The following GCG variants were observed in gnomAD, a reference collection of about 807,000 sequenced individuals.
GCG encodes the protein pro-glucagon.
In GCG, 11 loss-of-function variants were observed where a neutral mutation model predicts 22.8. The observed-to-expected ratio is 0.48, with a 90% confidence interval of 0.30 to 0.80. GCG has a LOEUF of 0.80. GCG is among the 30% of genes least tolerant of loss of function. The pLI is 0.06. For synonymous variants in GCG, 89 were observed against 72.4 expected, an observed-to-expected ratio of 1.23 and a Z score of -1.16; for missense variants, 222 against 222.0, an observed-to-expected ratio of 1.00 and a Z score of 0.00.
At chr2:162,149,814 GA>G (rs930753741) in intron 1 of GCG, among the ~76,000 whole-genome samples, 5 of 151,940 alleles carry the variant, frequency 3.3e-5, no homozygotes, top group African/African-American at 7.3e-5. Flanking sequence ...AAATTAAAGG[GA>G]AAAAATCATT....
chr2:162,148,430 G>A (rs1483224335), intron 2 of GCG, among the ~76,000 whole-genome samples: 1 of 151,922 alleles, frequency 6.6e-6, no homozygotes, highest in South Asian at 2.1e-4. Flanking sequence ...AACAAATATT[G>A]TACATTTATG....
chr2:162,150,059 A>T (rs1350047307), intron 1 of GCG, among the ~76,000 whole-genome samples: 6 of 152,116 alleles, frequency 3.9e-5, no homozygotes, highest in Admixed American at 3.9e-4. Context: ...TCACAAGCAG[A>T]TGCCCTGCGA....
rs193237358 is a variant in GCG at position 162,143,790 on chromosome 2, T to C, written c.536+237A>G. On this transcript the variant is annotated intron_variant, in intron 5 of 5. Coordinates refer to ENST00000418842, the MANE Select transcript of GCG (RefSeq NM_002054.5). ...ATTTCTATCTGTGTTTCTAGCTTCT[T>C]GACTCTAATAGACACTCAGTAAATG... is the stretch of plus-strand genomic sequence containing the variant. 2.2e-3 allele frequency: 1,155 copies of C among 519,156 alleles called. 2 individuals are homozygous for C. Among genetic ancestry groups the C allele is most frequent in the Non-Finnish European group, 3.0e-3 (864 of 291,484 alleles). 32.2% of individuals were successfully genotyped at this position (519,156 alleles called of 1,614,324 possible). A position where few individuals can be genotyped will look rare whatever the true frequency, so the allele number is the denominator to read the frequency against.
intron 1 of GCG, 134 bp from the exon 2 acceptor site, chr2:162,149,321 C>CCTG: frequency 1.8e-6 from 1 of 570,876 alleles, no homozygotes; most frequent in Non-Finnish European, 3.1e-6. Context: ...CACTTTTATT[C>CCTG]TGATTATATT....
At chr2:162,149,955 T>C (rs1055349097) in intron 1 of GCG, among the ~76,000 whole-genome samples, 1 of 152,128 alleles carries the variant, frequency 6.6e-6, no homozygotes. Context: ...GTCCCCAGGT[T>C]GTTTTCTAAT....
chr2:162,147,562 G>A (rs1686721759), intron 2 of GCG, 48 bp from the exon 3 acceptor site: 13 of 1,527,946 alleles, frequency 8.5e-6, no homozygotes, highest in African/African-American at 1.4e-5. Context: ...CTCAAGAGTA[G>A]ACTCACTTGA....
intron 3 of GCG, among the ~76,000 whole-genome samples, chr2:162,146,569 TC>T (rs1686691533): frequency 3.0e-5 from 4 of 134,574 alleles, no homozygotes; most frequent in Admixed American, 1.4e-4. Context: ...TCTCTCTCTC[TC>T]TCTCCTTTCT....
In GCG at chr2:162,147,292, G is replaced by T. The variant is rs990523502; in HGVS notation, c.254+61C>A. Reference sequence around the variant, plus strand: ...GCATAAGAACTTAATAATGTCAAGAGAAATTTTAGACCTATTTAATACATT... The same window carrying T: ...GCATAAGAACTTAATAATGTCAAGATAAATTTTAGACCTATTTAATACATT... On this transcript the variant is annotated intron_variant, in intron 3 of 5. Coordinates refer to ENST00000418842, the MANE Select transcript of GCG (RefSeq NM_002054.5). 4 of 1,247,652 alleles carry T rather than the reference G, an allele frequency of 3.2e-6. No individual in the cohort carries two copies. In the African/African-American group the frequency reaches 6.0e-5, roughly 19 times the overall value. 77.3% of individuals were successfully genotyped at this position (1,247,652 alleles called of 1,614,324 possible). A position where few individuals can be genotyped will look rare whatever the true frequency, so the allele number is the denominator to read the frequency against.
chr2:162,149,256 T>C (rs1308391341), intron 1 of GCG, 69 bp from the exon 2 acceptor site: 2 of 824,216 alleles, frequency 2.4e-6, no homozygotes, highest in Admixed American at 3.9e-5. Context: ...TCAGGCTAAA[T>C]TAATTAGATT....
In GCG at chr2:162,145,651, T is replaced by A; in HGVS notation, c.281A>T (p.Glu94Val). ...NRNNIAKRHD[E>V]FERHAEGTFT... ...GGTCCCTTCAGCATGTCTCTCAAAT[T>A]CATCGTGACGTTTGGCAATGTTATT... is the stretch of plus-strand genomic sequence containing the variant. The change falls in exon 4 of 6, where the codon GAA becomes GTA. Residue 94 changes from glutamate to valine, a missense_variant. Coordinates refer to ENST00000418842, the MANE Select transcript of GCG (RefSeq NM_002054.5). 1 of 1,610,926 alleles carries A rather than the reference T, an allele frequency of 6.2e-7. No homozygotes were observed. Among genetic ancestry groups the A allele is most frequent in the Non-Finnish European group, 8.5e-7 (1 of 1,178,426 alleles).
intron 4 of GCG, chr2:162,144,600 T>C (rs1282569985): frequency 6.5e-6 from 1 of 154,638 alleles, no homozygotes; most frequent in Non-Finnish European, 1.4e-5. Flanking sequence ...GGTTTACTAT[T>C]GCAGAATTTT....
chr2:162,146,588 A>ACT (rs1559749549), intron 3 of GCG, among the ~76,000 whole-genome samples: 1 of 112,064 alleles, frequency 8.9e-6, no homozygotes, highest in South Asian at 2.8e-4. Context: ...TCTTACTCTC[A>ACT]CTCTCTCTCT....
chr2:162,150,871 G>A (rs555452195), intron 1 of GCG, among the ~76,000 whole-genome samples: 30 of 152,142 alleles, frequency 2.0e-4, no homozygotes, highest in African/African-American at 7.0e-4. Context: ...AGGAGCTGAT[G>A]GAAGAAAGAA....
chr2:162,150,251 C>T (rs945657001), intron 1 of GCG, among the ~76,000 whole-genome samples: 2 of 152,096 alleles, frequency 1.3e-5, no homozygotes, highest in Non-Finnish European at 2.9e-5. Context: ...GAGAAGCGGG[C>T]ATTTCAATCC....
chr2:162,145,641 T>C lies in GCG; in HGVS notation c.291A>G (p.Arg97=). 1 of 1,610,678 alleles carries C rather than the reference T, an allele frequency of 6.2e-7. No homozygotes were observed. The highest frequency in any genetic ancestry group is 8.5e-7 in the Non-Finnish European group (1 of 1,177,954). ...NIAKRHDEFE[R]HAEGTFTSDV... is the part of the protein sequence containing the mutation. ...CACTGGTAAAGGTCCCTTCAGCATG[T>C]CTCTCAAATTCATCGTGACGTTTGG... The change falls in exon 4 of 6, where the codon AGA becomes AGG. Residue 97 remains arginine, a synonymous_variant. Transcript: ENST00000418842.
intron 1 of GCG, among the ~76,000 whole-genome samples, chr2:162,149,681 A>G (rs1239431917): frequency 6.6e-6 from 1 of 152,178 alleles, no homozygotes; most frequent in East Asian, 1.9e-4. Context: ...ACAACTTGGC[A>G]TACCAGCTGT....
intron 1 of GCG, 23 bp from the exon 2 acceptor site, chr2:162,149,210 T>A: frequency 1.5e-6 from 2 of 1,295,770 alleles, no homozygotes; most frequent in Non-Finnish European, 2.2e-6. Flanking sequence ...AGAATGGGGG[T>A]AGGGTGAGGG....
chr2:162,147,735 T>G (rs1358342402), intron 2 of GCG: 8 of 573,224 alleles, frequency 1.4e-5, no homozygotes, highest in Non-Finnish European at 2.5e-5. Context: ...GAAACATGTT[T>G]CTCAACTGAC....
intron 5 of GCG, 107 bp downstream of exon 5, chr2:162,143,919 AT>A (rs1303044367): frequency 1.2e-6 from 1 of 842,256 alleles, no homozygotes; most frequent in East Asian, 2.6e-5. Context: ...TTCCTATATA[AT>A]AAGAGATTAT....
Sources: gnomAD v4.1 joint callset for allele counts (sites outside exome capture counted in the v4.1 genomes callset) on GRCh38, gnomAD v4.1.1 for gene constraint, MANE v1.5 for transcripts, NCBI Gene and HGNC (gene_info 2026-07-23, HGNC 2026-07-21) for gene names.